Variants in PCNX2 observed in about 807,000 individuals in gnomAD.
PCNX2 encodes pecanex 2.
In PCNX2, 168 loss-of-function variants were observed where a neutral mutation model predicts 223.8. The ratio of observed to expected loss-of-function variants is 0.75; its 90% CI spans 0.66 to 0.85. PCNX2 has a LOEUF of 0.85. PCNX2 is among the 40% of genes least tolerant of loss of function. PCNX2 has a pLI of 0.00. For missense variants in PCNX2, 2,507 were observed against 2,675.5 expected, an observed-to-expected ratio of 0.94 and a Z score of 1.39; for synonymous variants, 1,006 against 1,052.6, an observed-to-expected ratio of 0.96 and a Z score of 0.86.
intron 32 of PCNX2, among the ~76,000 whole-genome samples, chr1:232,997,078 C>A (rs1409752646): frequency 1.3e-5 from 2 of 152,092 alleles, no homozygotes; most frequent in African/African-American, 4.8e-5. Context: ...TTGCAAAATA[C>A]CCCTTTTCCT....
chr1:233,224,448 T>C (rs1657576499), intron 10 of PCNX2, among the ~76,000 whole-genome samples: 1 of 152,248 alleles, frequency 6.6e-6, no homozygotes, highest in African/African-American at 2.4e-5. Context: ...TCATGCAGGA[T>C]GACTTAATCT....
At chr1:233,249,114 C>T (rs1432061293) in intron 8 of PCNX2, among the ~76,000 whole-genome samples, 2 of 152,196 alleles carry the variant, frequency 1.3e-5, no homozygotes, top group Non-Finnish European at 2.9e-5. Flanking sequence ...TATAGGTCCT[C>T]TCTCTCATTT....
intron 23 of PCNX2, among the ~76,000 whole-genome samples, chr1:233,080,727 C>T (rs1193844899): frequency 6.6e-6 from 1 of 152,068 alleles, no homozygotes; most frequent in Non-Finnish European, 1.5e-5. Context: ...TCCTGAAGGC[C>T]CCACCTCCTA....
At chr1:233,073,791 T>A (rs886832785) in intron 23 of PCNX2, among the ~76,000 whole-genome samples, 13 of 150,610 alleles carry the variant, frequency 8.6e-5, no homozygotes, top group South Asian at 2.1e-4. Flanking sequence ...TTAAAAAAAA[T>A]TTTTTGAAGA....
chr1:233,022,406 C>A lies in PCNX2; in HGVS notation c.4605+2740G>T, dbSNP rs1670922739. Among the ~76,000 whole-genome samples, 3 of 152,124 alleles carry A rather than the reference C, an allele frequency of 2.0e-5. 1 individual carries two copies. The South Asian group carries it at 6.2e-4, about 31-fold the overall frequency. Reference sequence around the variant, plus strand: ...GAGTGAAGTAGGAAAGTTTGCAGAGCAAGGGGAGAGGAATGCTGGGCATGG... The same window carrying A: ...GAGTGAAGTAGGAAAGTTTGCAGAGAAAGGGGAGAGGAATGCTGGGCATGG... On this transcript the variant is annotated intron_variant, in intron 26 of 33. Coordinates refer to ENST00000258229, the MANE Select transcript of PCNX2 (RefSeq NM_014801.4).
intron 23 of PCNX2, among the ~76,000 whole-genome samples, chr1:233,076,358 A>G (rs1229542090): frequency 6.6e-6 from 1 of 152,210 alleles, no homozygotes. Flanking sequence ...TATAGCAAAA[A>G]GAAACTATGA....
At chr1:233,018,812 G>A (rs987407631) in intron 26 of PCNX2, 1 of 985,350 alleles carries the variant, frequency 1.0e-6, no homozygotes, top group Admixed American at 6.1e-5. Flanking sequence ...TTTGATGCAA[G>A]GAGGCAGGGA....
At chr1:233,243,632 CTTTT>C (rs1031526282) in intron 8 of PCNX2, among the ~76,000 whole-genome samples, 2 of 152,110 alleles carry the variant, frequency 1.3e-5, no homozygotes, top group African/African-American at 4.8e-5. Flanking sequence ...CCAAAAGTCT[CTTTT>C]GTTATATAAA....
At chr1:233,019,014 C>G (rs1203296855) in intron 26 of PCNX2, 16 of 985,316 alleles carry the variant, frequency 1.6e-5, no homozygotes, top group Non-Finnish European at 6.0e-6. Context: ...CTCTCTGGCT[C>G]TTCCCTCCCT....
chr1:233,058,893 G>A (rs1458992769), intron 23 of PCNX2, among the ~76,000 whole-genome samples: 2 of 151,966 alleles, frequency 1.3e-5, no homozygotes, highest in Admixed American at 6.6e-5. Context: ...TCGCTCTCTC[G>A]ACCTCATGAT....
In PCNX2 at chr1:233,139,988, G is replaced by A. The variant is rs1677015262; in HGVS notation, c.3518-133C>T. 9 of 1,119,958 alleles carry A rather than the reference G, an allele frequency of 8.0e-6. No homozygotes were observed. The highest frequency in any genetic ancestry group is 1.6e-5 in the African/African-American group (1 of 63,178). 69.4% of individuals were successfully genotyped at this position (1,119,958 alleles called of 1,614,324 possible). On this transcript the variant is annotated intron_variant, in intron 19 of 33. Transcript: ENST00000258229. This position sits in a 1 kb window ranked among gnomAD's most constrained non-coding sequence, Gnocchi z 4.4. ...ATTAAGAACTCGTGATACTAGACAT[G>A]ATATACCATTTTTTTCCAGGCAGCA...
chr1:233,122,559 T>C (rs931222077), intron 21 of PCNX2, among the ~76,000 whole-genome samples: 4 of 152,012 alleles, frequency 2.6e-5, no homozygotes, highest in African/African-American at 9.7e-5. Flanking sequence ...GTTTCACTCT[T>C]GTTGCCCAGG....
At chr1:233,105,648 G>T (rs1377819619) in intron 21 of PCNX2, among the ~76,000 whole-genome samples, 1 of 152,188 alleles carries the variant, frequency 6.6e-6, no homozygotes, top group Non-Finnish European at 1.5e-5. Context: ...ACAATGCAGG[G>T]ATGATAGTAT....
At chr1:233,039,416 A>G (rs962164939) in intron 25 of PCNX2, among the ~76,000 whole-genome samples, 1 of 152,204 alleles carries the variant, frequency 6.6e-6, no homozygotes, top group African/African-American at 2.4e-5. Context: ...CAGTCGGGTA[A>G]TAGCACCTAC....
chr1:233,196,578 G>A (rs1680748086), intron 15 of PCNX2, among the ~76,000 whole-genome samples: 1 of 152,070 alleles, frequency 6.6e-6, no homozygotes, highest in Non-Finnish European at 1.5e-5. Flanking sequence ...CATCAATGAA[G>A]TTATACAAAT....
At chr1:233,266,793 TC>T (rs1420519554) in intron 1 of PCNX2, among the ~76,000 whole-genome samples, 1 of 152,222 alleles carries the variant, frequency 6.6e-6, no homozygotes, top group Non-Finnish European at 1.5e-5. Context: ...CAACATCATA[TC>T]CTTGGCCAAA....
At chr1:233,127,108 G>A (rs1039339018) in intron 21 of PCNX2, among the ~76,000 whole-genome samples, 6 of 151,968 alleles carry the variant, frequency 3.9e-5, no homozygotes, top group African/African-American at 1.5e-4. Context: ...TCTTCTCATC[G>A]TTTACTCACT....
At chr1:233,243,237 T>C (rs1013136554) in intron 8 of PCNX2, among the ~76,000 whole-genome samples, 5 of 152,166 alleles carry the variant, frequency 3.3e-5, no homozygotes, top group Non-Finnish European at 7.3e-5. Flanking sequence ...TGTCACACGG[T>C]AACAAGGCTC....
upstream of PCNX2, among the ~76,000 whole-genome samples, chr1:233,298,353 C>T (rs1662205968): frequency 6.6e-6 from 1 of 152,156 alleles, no homozygotes; most frequent in Non-Finnish European, 1.5e-5. Flanking sequence ...TAGGACACAG[C>T]CATTAGGAGT....
Sources: gnomAD v4.1 joint callset for allele counts (sites outside exome capture counted in the v4.1 genomes callset) on GRCh38, gnomAD v4.1.1 for gene constraint, Gnocchi (gnomAD v3.1) non-coding constraint, MANE v1.5 for transcripts, NCBI Gene and HGNC (gene_info 2026-07-23, HGNC 2026-07-21) for gene names.